The following PCDH7 variants were observed in gnomAD, a reference collection of about 807,000 sequenced individuals.
PCDH7 encodes protocadherin 7, also known as protocadherin-7.
PCDH7 carries 17 observed loss-of-function variants against 58.9 expected under a neutral mutation model. That is an observed-to-expected ratio of 0.29 (90% CI 0.20 to 0.43). The LOEUF (loss-of-function observed/expected upper bound fraction) is 0.43, where lower values mean the gene tolerates loss of function less well. Ranked by LOEUF, PCDH7 falls within the 20% of genes least tolerant of loss-of-function variation. The pLI, the probability that PCDH7 is intolerant of heterozygous loss-of-function variation, is 1.00. For missense variants in PCDH7, 1,274 were observed against 1,441.0 expected (o/e 0.88, Z 1.88); for synonymous variants, 664 against 616.4 (o/e 1.08, Z -1.14).
In PCDH7 at chr4:30,926,936, CTTTCT is replaced by C. The variant is rs531690091; in HGVS notation, c.287+6573_287+6577del. Among the ~76,000 whole-genome samples, 12 of 151,990 alleles carry C rather than the reference CTTTCT, an allele frequency of 7.9e-5. No homozygotes were observed. In the East Asian group the frequency reaches 2.3e-3, roughly 29 times the overall value. On this transcript the variant is annotated intron_variant, in intron 2 of 3. Coordinates refer to the PCDH7 transcript ENST00000509759. ...TAGTATGCTTACCAGATTCTCAGTC[CTTTCT>C]TTTCTAATCTCAATATTAATAATTA... is the stretch of plus-strand genomic sequence containing the variant.
chr4:31,071,212 G>A (rs1335078197), intron 3 of PCDH7, among the ~76,000 whole-genome samples: 1 of 151,936 alleles, frequency 6.6e-6, no homozygotes, highest in Admixed American at 6.6e-5. Context: ...AAAATATATA[G>A]AGGGAATGCC....
rs866618825 is a variant in PCDH7, at chr4:30,886,867, G to A, written c.71-33286G>A. Among the ~76,000 whole-genome samples, 1,118 of 147,082 alleles carry A rather than the reference G, an allele frequency of 7.6e-3. 9 individuals carry two copies. The highest frequency in any genetic ancestry group is 0.049 in the Middle Eastern group (14 of 284). ...AAATCATCATTCTCAGTAAACTATT[G>A]CAAGAACAAAAAACCAAACACTGCA... is the stretch of plus-strand genomic sequence containing the variant. On this transcript the variant is annotated intron_variant, in intron 1 of 3. Coordinates refer to the PCDH7 transcript ENST00000509759.
Position 31,097,587 on chromosome 4 carries a change from C to CATATATATAT in PCDH7, c.*8-44844_*8-44835dup, listed in dbSNP as rs1190443409. On this transcript the variant is annotated intron_variant, in intron 3 of 3. Transcript: ENST00000509759. ...TGTGGCTGTTTTTCCTCCAAATATA[C>CATATATATAT]ATATATATATATATATATATATATA... Among the ~76,000 whole-genome samples the CATATATATAT allele has an allele frequency of 7.7e-4, 31 of 40,056 alleles. 5 individuals carry two copies. The highest frequency in any genetic ancestry group is 1.3e-3 in the Non-Finnish European group (25 of 18,802). The allele number at this position is 40,056 out of a possible 152,430, so 26.3% of individuals were successfully genotyped here. A position where few individuals can be genotyped will look rare whatever the true frequency, so the allele number is the denominator to read the frequency against.
intron 3 of PCDH7, among the ~76,000 whole-genome samples, chr4:30,992,793 CTTTTTTTTTTTTTT>C (rs577504420): frequency 1.0e-5 from 1 of 95,666 alleles, no homozygotes; most frequent in Admixed American, 1.3e-4. Context: ...CTGTCCCATT[CTTTTTTTTTTTTTT>C]TTTTTTTTTT....
At chr4:30,866,269 A>G (rs1342422927) in intron 1 of PCDH7, among the ~76,000 whole-genome samples, 1 of 152,096 alleles carries the variant, frequency 6.6e-6, no homozygotes, top group Non-Finnish European at 1.5e-5. Context: ...CTGGCTTGTT[A>G]CTTAACAGGT....
Position 31,023,542 on chromosome 4 carries a change from G to A in PCDH7, c.*7+73327G>A, listed in dbSNP as rs566468878. Reference sequence around the variant, plus strand: ...TAAAACTGAGGAGAATTCCTCATTTGCAGGACTATTGTTAGGAGTAAGCAA... The same window carrying A: ...TAAAACTGAGGAGAATTCCTCATTTACAGGACTATTGTTAGGAGTAAGCAA... On this transcript the variant is annotated intron_variant, in intron 3 of 3. Coordinates refer to the PCDH7 transcript ENST00000509759. Among the ~76,000 whole-genome samples, 42 of 152,200 alleles carry A rather than the reference G, an allele frequency of 2.8e-4. 1 individual carries two copies. Among genetic ancestry groups the A allele is most frequent in the Non-Finnish European group, 3.2e-4 (22 of 68,016 alleles).
intron 3 of PCDH7, among the ~76,000 whole-genome samples, chr4:31,055,804 T>A (rs574350588): frequency 6.6e-6 from 1 of 152,016 alleles, no homozygotes; most frequent in Non-Finnish European, 1.5e-5. Context: ...CTTGAACTCC[T>A]GACCTCAAAT....
intron 1 of PCDH7, among the ~76,000 whole-genome samples, chr4:30,779,185 G>A (rs1350586165): frequency 4.0e-5 from 6 of 151,140 alleles, no homozygotes; most frequent in Non-Finnish European, 7.4e-5. Context: ...CACCACACCC[G>A]GCTGTTTTTT....
intron 1 of PCDH7, among the ~76,000 whole-genome samples, chr4:30,757,173 T>C (rs1719408780): frequency 6.6e-6 from 1 of 152,222 alleles, no homozygotes; most frequent in Admixed American, 6.5e-5. Context: ...TGCACAAGAC[T>C]CAATGTGTAA....
chr4:31,062,170 T>C (rs1259530309), intron 3 of PCDH7, among the ~76,000 whole-genome samples: 2 of 151,614 alleles, frequency 1.3e-5, no homozygotes, highest in Non-Finnish European at 3.0e-5. Flanking sequence ...CCAAAAGCCA[T>C]TGGCAGTATG....
chr4:31,026,510 A>T (rs1754446316), intron 3 of PCDH7, among the ~76,000 whole-genome samples: 1 of 152,202 alleles, frequency 6.6e-6, no homozygotes, highest in African/African-American at 2.4e-5. Flanking sequence ...ATAAATTTGT[A>T]TGCAGATATT....
downstream of PCDH7, among the ~76,000 whole-genome samples, chr4:30,734,634 A>G (rs183794927): frequency 2.6e-3 from 399 of 152,284 alleles, 1 homozygote; most frequent in African/African-American, 8.9e-3. Context: ...ACAATGAAAA[A>G]TAATATATAT....
At chr4:31,032,221 G>A (rs1037074893) in intron 3 of PCDH7, among the ~76,000 whole-genome samples, 19 of 152,120 alleles carry the variant, frequency 1.2e-4, no homozygotes, top group South Asian at 2.1e-4. Context: ...TAAATTATAC[G>A]CAAGATCATA....
chr4:30,846,491 T>G (rs1462582662), intron 1 of PCDH7, among the ~76,000 whole-genome samples: 1 of 151,966 alleles, frequency 6.6e-6, no homozygotes, highest in Non-Finnish European at 1.5e-5. Flanking sequence ...GTGAGTTTTT[T>G]TTTTTTTTAA....
chr4:30,865,414 G>T (rs945026837), intron 1 of PCDH7, among the ~76,000 whole-genome samples: 2 of 152,066 alleles, frequency 1.3e-5, no homozygotes, highest in African/African-American at 4.8e-5. Flanking sequence ...AATCCTGGAA[G>T]TAGTGAGTTC....
exon 2 of PCDH7, chr4:30,731,269 A>G: frequency 4.3e-6 from 2 of 462,600 alleles, no homozygotes; most frequent in Non-Finnish European, 5.7e-6. Context: ...GTTAGAGTGA[A>G]GGATAATATC....
chr4:30,749,428 GTCTC>G (rs1718213053), intron 1 of PCDH7, among the ~76,000 whole-genome samples: 5 of 152,148 alleles, frequency 3.3e-5, no homozygotes, highest in Non-Finnish European at 5.9e-5. Flanking sequence ...AGATAGAACA[GTCTC>G]TGGAACTCTG....
chr4:31,056,178 G>A (rs917893699), intron 3 of PCDH7, among the ~76,000 whole-genome samples: 8 of 151,876 alleles, frequency 5.3e-5, no homozygotes, highest in Non-Finnish European at 1.2e-4. Flanking sequence ...AGACCAGCCT[G>A]GGCAATGTGG....
At chr4:30,980,049 T>C (rs558100695) in intron 3 of PCDH7, among the ~76,000 whole-genome samples, 202 of 152,220 alleles carry the variant, frequency 1.3e-3, no homozygotes, top group Non-Finnish European at 2.3e-3. Flanking sequence ...CCCTTTGTTA[T>C]ACTGTTAGAC....
Sources: gnomAD v4.1 joint callset for allele counts (sites outside exome capture counted in the v4.1 genomes callset) on GRCh38, gnomAD v4.1.1 for gene constraint, MANE v1.5 for transcripts, NCBI Gene and HGNC (gene_info 2026-07-23, HGNC 2026-07-21) for gene names.